ARHGAP32: variants seen among roughly 807,000 people sequenced by gnomAD.
ARHGAP32 encodes Rho GTPase activating protein 32, also known as rho GTPase-activating protein 32.
In ARHGAP32, 51 loss-of-function variants were observed where a neutral mutation model predicts 186.5. The observed-to-expected ratio is 0.27, with a 90% confidence interval of 0.22 to 0.35. The LOEUF is 0.35. ARHGAP32 is among the 10% of genes least tolerant of loss of function. The pLI is 1.00. For synonymous variants in ARHGAP32, 950 were observed against 964.3 expected (o/e 0.99, Z 0.27); for missense variants, 2,186 against 2,623.5 (o/e 0.83, Z 3.64).
rs369728741 is a variant in ARHGAP32 at position 128,972,669 on chromosome 11, T to C, written c.3837A>G (p.Thr1279=). The change falls in exon 22 of 23, where the codon ACA becomes ACG. Residue 1279 remains threonine (T), a synonymous_variant. Transcript: ENST00000682385. ...NTSTATMTYM[T]TTPATAQMST... ...TCATTTGGGCTGTTGCTGGAGTAGT[T>C]GTCATGTAAGTCATGGTGGCTGTGC... is the stretch of plus-strand genomic sequence containing the variant. The C allele has an allele frequency of 9.3e-6, 15 of 1,613,992 alleles. No homozygotes were observed. Among genetic ancestry groups the C allele is most frequent in the Non-Finnish European group, 1.3e-5 (15 of 1,179,984 alleles).
Position 128,974,977 on chromosome 11 carries a change from T to C in ARHGAP32, c.2220A>G (p.Arg740=). 6.2e-7 allele frequency: 1 copy of C among 1,610,764 alleles called. No homozygotes were observed. The highest frequency in any genetic ancestry group is 8.5e-7 in the Non-Finnish European group (1 of 1,178,820). Reference sequence around the variant, plus strand: ...GTGCATCACTGGAAGATCTGGGTCTTCTGGGTCGGAAGAGCTTAGAATCAC... The same window carrying C: ...GTGCATCACTGGAAGATCTGGGTCTCCTGGGTCGGAAGAGCTTAGAATCAC... ...VDGDSKLFRP[R]RPRSSSDALS... Residue 740 remains arginine, a synonymous_variant, in exon 21 of 23, where the codon AGA becomes AGG. Coordinates refer to ENST00000682385, the MANE Select transcript of ARHGAP32 (RefSeq NM_001378024.1).
chr11:129,252,020 AAATAAT>A (rs1376528734), intron 1 of ARHGAP32, among the ~76,000 whole-genome samples: 1 of 152,092 alleles, frequency 6.6e-6, no homozygotes. Context: ...CAGAAAAAGT[AAATAAT>A]AATATCAACT....
intron 12 of ARHGAP32, among the ~76,000 whole-genome samples, chr11:128,989,980 A>G (rs1186370995): frequency 6.6e-6 from 1 of 152,156 alleles, no homozygotes; most frequent in Non-Finnish European, 1.5e-5. Context: ...TGACTACTGC[A>G]ATATACTGCC....
chr11:129,157,673 A>C (rs1178540001), intron 2 of ARHGAP32, among the ~76,000 whole-genome samples: 1 of 152,212 alleles, frequency 6.6e-6, no homozygotes, highest in Non-Finnish European at 1.5e-5. Flanking sequence ...ATTATCCAGG[A>C]GAACTTCCCC....
In ARHGAP32 at chr11:128,986,619, C is replaced by A; in HGVS notation, c.1348G>T (p.Val450Phe). 1 of 1,614,068 alleles carries A rather than the reference C, an allele frequency of 6.2e-7. No homozygotes were observed. The highest frequency in any genetic ancestry group is 8.5e-7 in the Non-Finnish European group (1 of 1,179,958). Residue 450 changes from valine (V) to phenylalanine (F), a missense_variant, in exon 14 of 23, where the codon GTT (valine) becomes TTT (phenylalanine). By Grantham distance (50) the Val-to-Phe change is conservative. Transcript: ENST00000682385. ...HVPDLTKEPY[V>F]QDIHSVGSLC... ...GAACCCACAGAATGGATGTCCTGAA[C>A]ATACGGTTCTTTCGTCAGGTCGGGG...
chr11:128,983,393 G>T (rs1591498212), intron 15 of ARHGAP32, among the ~76,000 whole-genome samples: 1 of 141,098 alleles, frequency 7.1e-6, no homozygotes, highest in African/African-American at 2.6e-5. Flanking sequence ...AGATCGCAAG[G>T]ACAAAAAACC....
rs1160297828 is a variant in ARHGAP32, at chr11:129,059,255, CA to C, written c.963+3024del. On this transcript the variant is annotated intron_variant, in intron 10 of 22. Coordinates refer to ENST00000682385, the MANE Select transcript of ARHGAP32 (RefSeq NM_001378024.1). ...CATCCTGACTACTTATTAAACCTCT[CA>C]AAAACTGTTTTCTCTCCATAAAAAT... 4.6e-5 allele frequency among the ~76,000 whole-genome samples: 7 copies of C among 152,282 alleles called. No homozygotes were observed. The South Asian group carries it at 6.2e-4, about 14-fold the overall frequency.
Position 129,148,826 on chromosome 11 carries a change from T to C in ARHGAP32, c.225+15493A>G, listed in dbSNP as rs182447601. Among the ~76,000 whole-genome samples, 7 of 152,212 alleles carry C rather than the reference T, an allele frequency of 4.6e-5. No homozygotes were observed. In the East Asian group the frequency reaches 1.4e-3, roughly 29 times the overall value. ...TGGGTAAGGCCTCTTGCTACAGCTA[T>C]CACCCATTTCCCTGAGAAACTATAT... On this transcript the variant is annotated intron_variant, in intron 2 of 22. Transcript: ENST00000682385.
chr11:129,253,170 G>A (rs943621858), intron 1 of ARHGAP32, among the ~76,000 whole-genome samples: 3 of 152,142 alleles, frequency 2.0e-5, no homozygotes, highest in Non-Finnish European at 4.4e-5. Context: ...GCCAGATAAA[G>A]ATCCATTAAG....
intron 1 of ARHGAP32, among the ~76,000 whole-genome samples, chr11:129,182,737 G>A (rs529560184): frequency 7.9e-5 from 12 of 151,438 alleles, no homozygotes; most frequent in Admixed American, 7.2e-4. Context: ...TCAAACTCCT[G>A]GGCTCAAGAG....
chr11:129,217,992 T>C (rs1229721135), intron 1 of ARHGAP32, among the ~76,000 whole-genome samples: 1 of 152,136 alleles, frequency 6.6e-6, no homozygotes, highest in East Asian at 1.9e-4. Flanking sequence ...AGCGTGACAA[T>C]GTACACAATG....
intron 5 of ARHGAP32, among the ~76,000 whole-genome samples, chr11:129,104,021 C>A (rs919965846): frequency 1.3e-5 from 2 of 151,982 alleles, no homozygotes; most frequent in African/African-American, 4.8e-5. Flanking sequence ...ACAGATGGAA[C>A]GGTTTAAGAA....
At chr11:129,196,324 AAG>A (rs906798130), upstream of ARHGAP32, among the ~76,000 whole-genome samples, 1 of 152,194 alleles carries the variant, frequency 6.6e-6, no homozygotes, top group African/African-American at 2.4e-5. Context: ...TCAGGGAAAA[AAG>A]AGGGATGGTC....
chr11:129,184,393 CA>C (rs1323808770), intron 1 of ARHGAP32, among the ~76,000 whole-genome samples: 1 of 151,788 alleles, frequency 6.6e-6, no homozygotes. Context: ...CTCCAAAGCT[CA>C]AAAAGAAAGA....
intron 11 of ARHGAP32, among the ~76,000 whole-genome samples, chr11:129,016,412 C>A (rs1938340473): frequency 6.6e-6 from 1 of 152,152 alleles, no homozygotes; most frequent in Non-Finnish European, 1.5e-5. Flanking sequence ...TGCCCTATTT[C>A]TTCTAAAAAC....
intron 1 of ARHGAP32, among the ~76,000 whole-genome samples, chr11:129,257,298 C>A (rs563185959): frequency 6.6e-6 from 1 of 152,190 alleles, no homozygotes; most frequent in Admixed American, 6.5e-5. Flanking sequence ...AGAAGCAATT[C>A]TCTGTGGTAC....
At chr11:129,051,340 T>C (rs1940033223) in intron 10 of ARHGAP32, among the ~76,000 whole-genome samples, 1 of 152,216 alleles carries the variant, frequency 6.6e-6, no homozygotes, top group Non-Finnish European at 1.5e-5. Flanking sequence ...CCATTCTAAC[T>C]GGTGTGGGAT....
chr11:129,062,733 A>G (rs1940553092), intron 9 of ARHGAP32, among the ~76,000 whole-genome samples: 3 of 152,180 alleles, frequency 2.0e-5, no homozygotes, highest in Non-Finnish European at 4.4e-5. Context: ...AATTTTAAAT[A>G]TTCATGTTTA....
intron 2 of ARHGAP32, among the ~76,000 whole-genome samples, chr11:129,160,331 G>C (rs186032611): frequency 6.6e-6 from 1 of 152,020 alleles, no homozygotes; most frequent in East Asian, 1.9e-4. Context: ...TGCAGATGAC[G>C]TGATTGTATA....
Sources: allele counts gnomAD v4.1 joint callset (sites outside exome capture counted in the v4.1 genomes callset), GRCh38; gene constraint gnomAD v4.1.1; transcripts MANE v1.5; gene names NCBI Gene and HGNC (gene_info 2026-07-23, HGNC 2026-07-21).